MALT1: variants seen among roughly 807,000 people sequenced by gnomAD.
The protein encoded by MALT1 is mucosa-associated lymphoid tissue lymphoma translocation protein 1.
Under a neutral mutation model 85.5 loss-of-function variants are expected in MALT1, and 36 were observed. The ratio of observed to expected loss-of-function variants is 0.42; its 90% CI spans 0.32 to 0.56. The LOEUF (loss-of-function observed/expected upper bound fraction) is 0.56. Ranked by LOEUF, MALT1 falls within the 20% of genes least tolerant of loss-of-function variation. MALT1 has a pLI of 0.10. For missense variants in MALT1, 716 were observed against 981.6 expected (o/e 0.73, Z 3.62); for synonymous variants, 359 against 361.3 (o/e 0.99, Z 0.07).
chr18:58,700,547 A>G lies in MALT1; in HGVS notation c.605A>G (p.Gln202Arg), dbSNP rs766415605. 1.9e-5 allele frequency: 31 copies of G among 1,613,158 alleles called. No homozygotes were observed. Among genetic ancestry groups the G allele is most frequent in the South Asian group, 9.9e-5 (9 of 90,838 alleles). ...VNNNFTFEFS[Q>R]WSQLDVCDIP... ...AACAATTTCACCTTTGAATTCAGCC[A>G]GTGGTCACAGCTGGATGTTTGCGAC... is the stretch of plus-strand genomic sequence containing the variant. The change falls in exon 4 of 17, where the codon CAG (glutamine) becomes CGG (arginine). Residue 202 changes from glutamine (Q) to arginine (R), a missense_variant. By Grantham distance (43) the Gln-to-Arg change is conservative (BLOSUM62 1). Coordinates refer to ENST00000649217, the MANE Select transcript of MALT1 (RefSeq NM_006785.4).
chr18:58,693,792 T>G (rs1275367283), intron 2 of MALT1, among the ~76,000 whole-genome samples: 1 of 152,186 alleles, frequency 6.6e-6, no homozygotes, highest in Admixed American at 6.5e-5. Context: ...CAGAAGGGAT[T>G]TGGGACATAT....
chr18:58,725,903 G>T (rs1602325984), intron 10 of MALT1, among the ~76,000 whole-genome samples: 1 of 151,958 alleles, frequency 6.6e-6, no homozygotes, highest in Admixed American at 6.6e-5. Flanking sequence ...TCTACTAAAA[G>T]TACAAAAATT....
chr18:58,683,432 G>A (rs374511537), intron 2 of MALT1, among the ~76,000 whole-genome samples: 64 of 152,246 alleles, frequency 4.2e-4, no homozygotes, highest in African/African-American at 1.4e-3. Context: ...ATGTTGTGTT[G>A]AATTTCATCT....
intron 3 of MALT1, chr18:58,697,135 A>G (rs1330959717): frequency 1.3e-5 from 2 of 151,902 alleles, no homozygotes; most frequent in African/African-American, 4.8e-5. Flanking sequence ...TTTATCTTCG[A>G]TCCCCCCATC....
In MALT1 at chr18:58,750,646, C is replaced by G. The variant is rs1163389762; in HGVS notation, c.*2804C>G. 1.3e-5 allele frequency: 2 copies of G among 152,160 alleles called. No individual in the cohort carries two copies. Among genetic ancestry groups the G allele is most frequent in the Non-Finnish European group, 2.9e-5 (2 of 68,034 alleles). The allele number at this position is 152,160 out of a possible 1,614,324, so 9.4% of individuals were successfully genotyped here. ...ATCAATAGAGAAGGAGTGGTCTTTT[C>G]AACAAACGGTGCTGGGACAACTAAC... On this transcript the variant is annotated 3_prime_UTR_variant, in exon 17 of 17. Transcript: ENST00000649217.
At chr18:58,705,549 C>T (rs1287760149) in intron 4 of MALT1, among the ~76,000 whole-genome samples, 1 of 140,692 alleles carries the variant, frequency 7.1e-6, no homozygotes, top group Admixed American at 7.5e-5. Flanking sequence ...TGTTCAATTC[C>T]CACCTATGAG....
chr18:58,749,039 AC>A lies in MALT1; in HGVS notation c.*1199del, dbSNP rs1389219407. The A allele has an allele frequency of 9.4e-6, 2 of 212,484 alleles. No homozygotes were observed. Among genetic ancestry groups the A allele is most frequent in the Non-Finnish European group, 1.9e-5 (2 of 104,950 alleles). The allele number at this position is 212,484 out of a possible 1,614,324, so 13.2% of individuals were successfully genotyped here. On this transcript the variant is annotated 3_prime_UTR_variant, in exon 17 of 17. Coordinates refer to ENST00000649217, the MANE Select transcript of MALT1 (RefSeq NM_006785.4). ...AAATATTAGCAAACTGAATCCAGCAACCTATAAAAAGGATTCTATATCATGA... is the reference window on the plus strand; with the variant it reads ...AAATATTAGCAAACTGAATCCAGCAACTATAAAAAGGATTCTATATCATGA...
chr18:58,747,890 G>A lies in MALT1; in HGVS notation c.*48G>A, dbSNP rs371979150. On this transcript the variant is annotated 3_prime_UTR_variant, in exon 17 of 17. Coordinates refer to ENST00000649217, the MANE Select transcript of MALT1 (RefSeq NM_006785.4). ...CATAATTTTAGATGCCTGTGAAATA[G>A]TACTGCACTTACATAAAGTGAGACA... 5.7e-5 allele frequency: 83 copies of A among 1,453,786 alleles called. No homozygotes were observed. In the African/African-American group the frequency reaches 9.2e-4, roughly 16 times the overall value. 90.1% of individuals were successfully genotyped at this position (1,453,786 alleles called of 1,614,324 possible).
chr18:58,740,938 A>G (rs572111260), intron 13 of MALT1, among the ~76,000 whole-genome samples: 2 of 152,170 alleles, frequency 1.3e-5, no homozygotes, highest in South Asian at 4.1e-4. Context: ...TTAAATGTTT[A>G]TATTTTCTTA....
At chr18:58,681,408 CCAGG>C (rs2054320791) in intron 2 of MALT1, 72 bp downstream of exon 2, 1 of 1,409,116 alleles carries the variant, frequency 7.1e-7, no homozygotes, top group Non-Finnish European at 9.7e-7. Context: ...TCTCTTTTGA[CCAGG>C]TGAACTGTGT....
intron 2 of MALT1, among the ~76,000 whole-genome samples, chr18:58,689,826 A>C (rs954193405): frequency 6.6e-6 from 1 of 152,190 alleles, no homozygotes; most frequent in Non-Finnish European, 1.5e-5. Context: ...GGGATGGCAA[A>C]GCGGAGCTTG....
At chr18:58,678,718 A>G (rs1356199162) in intron 1 of MALT1, among the ~76,000 whole-genome samples, 1 of 152,246 alleles carries the variant, frequency 6.6e-6, no homozygotes, top group East Asian at 1.9e-4. Flanking sequence ...GTAAAACAAA[A>G]AACAACAAAG....
At chr18:58,714,658 T>C (rs1315917255) in intron 8 of MALT1, among the ~76,000 whole-genome samples, 2 of 148,444 alleles carry the variant, frequency 1.3e-5, no homozygotes, top group Admixed American at 1.3e-4. Context: ...TGTAGAACTC[T>C]GTAGGCTAAT....
intron 10 of MALT1, among the ~76,000 whole-genome samples, chr18:58,732,369 T>G (rs553727848): frequency 4.0e-4 from 59 of 147,114 alleles, no homozygotes; most frequent in African/African-American, 1.5e-3. Context: ...ATAGTATCAC[T>G]TCTCAGTAAG....
chr18:58,732,762 C>CTATATATATAT (rs879522631), intron 10 of MALT1, among the ~76,000 whole-genome samples: 1 of 150,532 alleles, frequency 6.6e-6, no homozygotes, highest in Non-Finnish European at 1.5e-5. Context: ...ATCCTAGCTG[C>CTATATATATAT]ATTCTTTTTT....
chr18:58,700,054 A>G (rs546196089), intron 3 of MALT1, among the ~76,000 whole-genome samples: 7 of 152,314 alleles, frequency 4.6e-5, no homozygotes, highest in Admixed American at 2.6e-4. Flanking sequence ...GCCAAGCCCA[A>G]TTCTCTGTGT....
Position 58,748,202 on chromosome 18 carries a change from C to T in MALT1, c.*360C>T, listed in dbSNP as rs555945072. Reference sequence around the variant, plus strand: ...TTTTTAACACCAGAAAGAACCTTGCCGATCACCAGGCATAACCTAATTTTA... The same window carrying T: ...TTTTTAACACCAGAAAGAACCTTGCTGATCACCAGGCATAACCTAATTTTA... On this transcript the variant is annotated 3_prime_UTR_variant, in exon 17 of 17. Transcript: ENST00000649217. The T allele has an allele frequency of 1.3e-3, 342 of 255,148 alleles. No homozygotes were observed. Among genetic ancestry groups the T allele is most frequent in the Non-Finnish European group, 2.0e-3 (265 of 131,732 alleles). The allele number at this position is 255,148 out of a possible 1,614,324, so 15.8% of individuals were successfully genotyped here.
Position 58,734,289 on chromosome 18 carries a change from TC to T in MALT1, c.1401-16del, listed in dbSNP as rs2055194949. 1 of 1,574,254 alleles carries T rather than the reference TC, an allele frequency of 6.4e-7. No individual in the cohort carries two copies. Among genetic ancestry groups the T allele is most frequent in the Admixed American group, 1.7e-5 (1 of 59,958 alleles). ...CTTTTCATATTTCTATCTGCCCTCC[TC>T]CGCCTCCCTTAAATAGAAATGACTA... On this transcript the variant is annotated splice_polypyrimidine_tract_variant and intron_variant, in intron 11 of 16. Coordinates refer to ENST00000649217, the MANE Select transcript of MALT1 (RefSeq NM_006785.4).
chr18:58,740,282 C>CT, intron 13 of MALT1, among the ~76,000 whole-genome samples: 1 of 152,156 alleles, frequency 6.6e-6, no homozygotes, highest in South Asian at 2.1e-4. Flanking sequence ...AAGAACCAAT[C>CT]TTTGACTCTG....
Sources: gnomAD v4.1 joint callset for allele counts (sites outside exome capture counted in the v4.1 genomes callset) on GRCh38, gnomAD v4.1.1 for gene constraint, MANE v1.5 for transcripts, NCBI Gene and HGNC (gene_info 2026-07-23, HGNC 2026-07-21) for gene names.